Variants in AFG2A observed in about 807,000 individuals in gnomAD.
The protein encoded by AFG2A is AAA ATPase AFG2A.
chr4:122,985,115 T>A, the AFG2A span, among the ~76,000 whole-genome samples: 3 of 146,364 alleles, frequency 2.0e-5, no homozygotes, highest in African/African-American at 5.3e-5. Context: ...TGTTGGAAAA[T>A]TTTTTTTTTC....
chr4:122,930,177 A>G, the AFG2A span, among the ~76,000 whole-genome samples: 3 of 152,338 alleles, frequency 2.0e-5, no homozygotes, highest in East Asian at 5.8e-4. Context: ...ATCAGATTTT[A>G]AAATAATCCC....
the AFG2A span, among the ~76,000 whole-genome samples, chr4:123,184,761 C>G: frequency 6.6e-6 from 1 of 151,684 alleles, no homozygotes; most frequent in Non-Finnish European, 1.5e-5. Flanking sequence ...TGGTCTCGAT[C>G]TCCTGACCTC....
chr4:123,207,547 AC>A, the AFG2A span, among the ~76,000 whole-genome samples: 1 of 151,742 alleles, frequency 6.6e-6, no homozygotes, highest in Non-Finnish European at 1.5e-5. Context: ...GTGGTCTCGA[AC>A]TCCTGGACTC....
At chr4:123,146,511 A>T in the AFG2A span, among the ~76,000 whole-genome samples, 1 of 152,134 alleles carries the variant, frequency 6.6e-6, no homozygotes, top group Non-Finnish European at 1.5e-5. Flanking sequence ...TTCATCAGGG[A>T]AAGTATTTAT....
chr4:123,061,679 GCCCTGCTTTCCACCC>G, the AFG2A span, among the ~76,000 whole-genome samples: 1 of 152,150 alleles, frequency 6.6e-6, no homozygotes, highest in South Asian at 2.1e-4. Context: ...CATACCAGCT[GCCCTGCTTTCCACCC>G]CCCTCACATT....
the AFG2A span, among the ~76,000 whole-genome samples, chr4:123,073,624 T>C: frequency 6.6e-6 from 1 of 152,162 alleles, no homozygotes; most frequent in Non-Finnish European, 1.5e-5. Flanking sequence ...GTTGTACTCA[T>C]TACTACTTCT....
the AFG2A span, among the ~76,000 whole-genome samples, chr4:123,184,059 G>C: frequency 6.6e-6 from 1 of 152,072 alleles, no homozygotes; most frequent in Non-Finnish European, 1.5e-5. Context: ...GCTTCCCAAA[G>C]TGTGGGGATT....
chr4:122,935,725 C>T, the AFG2A span: 639 of 1,600,540 alleles, frequency 4.0e-4, 3 homozygotes, highest in Middle Eastern at 0.015. Flanking sequence ...AATTCCTGCC[C>T]CTAGAGGAGT....
chr4:123,234,913 G>C, the AFG2A span, among the ~76,000 whole-genome samples: 1 of 152,098 alleles, frequency 6.6e-6, no homozygotes, highest in Non-Finnish European at 1.5e-5. Context: ...ACTAATAATA[G>C]TACCTCGCCT....
the AFG2A span, among the ~76,000 whole-genome samples, chr4:123,131,559 C>T: frequency 6.6e-6 from 1 of 152,072 alleles, no homozygotes; most frequent in African/African-American, 2.4e-5. Context: ...GCTCTGGATA[C>T]CTCATATAAG....
At chr4:122,982,320 CCAG>C in the AFG2A span, among the ~76,000 whole-genome samples, 1 of 152,078 alleles carries the variant, frequency 6.6e-6, no homozygotes, top group Non-Finnish European at 1.5e-5. Flanking sequence ...ATATGTTGAA[CCAG>C]CAGCCTTGCA....
At chr4:123,273,250 T>A in the AFG2A span, among the ~76,000 whole-genome samples, 1 of 152,120 alleles carries the variant, frequency 6.6e-6, no homozygotes, top group Non-Finnish European at 1.5e-5. Context: ...TTACTGTACA[T>A]TATGCGTAGT....
chr4:123,233,629 C>T, the AFG2A span, among the ~76,000 whole-genome samples: 1 of 151,910 alleles, frequency 6.6e-6, no homozygotes, highest in Admixed American at 6.6e-5. Context: ...TGATAAATAG[C>T]TCCCTGTTGC....
At chr4:123,285,890 T>C in the AFG2A span, among the ~76,000 whole-genome samples, 1 of 152,154 alleles carries the variant, frequency 6.6e-6, no homozygotes, top group African/African-American at 2.4e-5. Flanking sequence ...CGGTAACTTA[T>C]GTGAAGGCAG....
At chr4:122,932,991 A>G in the AFG2A span, among the ~76,000 whole-genome samples, 1 of 152,262 alleles carries the variant, frequency 6.6e-6, no homozygotes, top group Non-Finnish European at 1.5e-5. Flanking sequence ...GCCTATGACA[A>G]TAAAAAATGG....
At chr4:123,142,861 C>G in the AFG2A span, among the ~76,000 whole-genome samples, 1 of 151,976 alleles carries the variant, frequency 6.6e-6, no homozygotes, top group Non-Finnish European at 1.5e-5. Flanking sequence ...ATAATTTATA[C>G]GAATCATTTG....
chr4:123,085,775 C>A, the AFG2A span, among the ~76,000 whole-genome samples: 1 of 149,390 alleles, frequency 6.7e-6, no homozygotes, highest in Non-Finnish European at 1.5e-5. Context: ...TTCTTCATTC[C>A]CATTTCTTCT....
At chr4:123,108,396 C>G in the AFG2A span, among the ~76,000 whole-genome samples, 2 of 151,676 alleles carry the variant, frequency 1.3e-5, no homozygotes, top group African/African-American at 2.4e-5. Flanking sequence ...AAAAAAAAAG[C>G]TAGATTATAC....
At chr4:123,210,784 T>G in the AFG2A span, among the ~76,000 whole-genome samples, 1 of 152,120 alleles carries the variant, frequency 6.6e-6, no homozygotes, top group African/African-American at 2.4e-5. Flanking sequence ...CTGTAATTGC[T>G]TATAGAAATT....
Sources: gnomAD v4.1 joint callset for allele counts (sites outside exome capture counted in the v4.1 genomes callset) on GRCh38, gnomAD v4.1.1 for gene constraint, MANE v1.5 for transcripts, NCBI Gene and HGNC (gene_info 2026-07-23, HGNC 2026-07-21) for gene names.